The following ZNF185 variants were observed in gnomAD, a reference collection of about 807,000 sequenced individuals.
The protein encoded by ZNF185 is zinc finger protein 185.
ZNF185 carries 56 observed loss-of-function variants against 58.6 expected under a neutral mutation model. The observed-to-expected ratio is 0.95, with a 90% CI of 0.77 to 1.19. The LOEUF (loss-of-function observed/expected upper bound fraction) is 1.19. Among genes scored for constraint, ZNF185 ranks in the 50% most tolerant of loss-of-function variants. The probability of loss-of-function intolerance (pLI) is 0.00; values close to 1 mark genes in which losing one functional copy is unlikely to be tolerated. For missense variants in ZNF185, 627 were observed against 573.5 expected, an observed-to-expected ratio of 1.09 and a Z score of -0.95; for synonymous variants, 230 against 215.9, an observed-to-expected ratio of 1.07 and a Z score of -0.57.
At chrX:152,947,614 A>C (rs1556896452) in intron 16 of ZNF185, among the ~76,000 whole-genome samples, 1 of 112,432 alleles carries the variant, frequency 8.9e-6, no homozygotes, top group Non-Finnish European at 1.9e-5. Context: ...TAGGCTACTG[A>C]GTAAACAAAT....
intron 16 of ZNF185, among the ~76,000 whole-genome samples, chrX:152,953,612 T>C (rs782232691): frequency 2.7e-5 from 3 of 111,532 alleles, no homozygotes; most frequent in Non-Finnish European, 5.7e-5. Flanking sequence ...TAGTGGAGGA[T>C]TGCTTGAGCC....
chrX:152,969,354 C>T, intron 20 of ZNF185, 28 bp from the exon 23 acceptor site: 2 of 1,160,413 alleles, frequency 1.7e-6, no homozygotes, highest in Non-Finnish European at 1.2e-6. Context: ...CCAGCCTGAC[C>T]ACCGGGTTAT....
chrX:152,950,374 C>T (rs1331406104), intron 16 of ZNF185, among the ~76,000 whole-genome samples: 5 of 111,670 alleles, frequency 4.5e-5, no homozygotes, highest in Non-Finnish European at 7.5e-5. Context: ...ATGTGAATTT[C>T]CCATAATTGA....
At chrX:152,951,268 G>C (rs1318721694) in intron 16 of ZNF185, among the ~76,000 whole-genome samples, 1 of 110,831 alleles carries the variant, frequency 9.0e-6, no homozygotes, top group Non-Finnish European at 1.9e-5. Context: ...AGAAAATTTT[G>C]TTATTTTAAC....
intron 15 of ZNF185, among the ~76,000 whole-genome samples, chrX:152,944,495 G>A (rs1263352850): frequency 8.9e-6 from 1 of 112,412 alleles, no homozygotes; most frequent in Non-Finnish European, 1.9e-5. Flanking sequence ...AGTAGACTCT[G>A]GAAGCAGTAC....
chrX:152,904,563 A>G, the ZNF185 span, among the ~76,000 whole-genome samples: 22 of 112,668 alleles, frequency 2.0e-4, no homozygotes, highest in Non-Finnish European at 9.4e-5. Context: ...CTTTTGGTCC[A>G]GAAAATCAGC....
chrX:152,952,382 A>G (rs1244201571), intron 16 of ZNF185, among the ~76,000 whole-genome samples: 4 of 112,605 alleles, frequency 3.6e-5, no homozygotes, highest in Non-Finnish European at 5.6e-5. Flanking sequence ...AATAATTTAT[A>G]TAAGTACTTA....
At chrX:152,914,859 C>T (rs373245796) in intron 2 of ZNF185, 26 bp downstream of exon 3, 22 of 1,168,932 alleles carry the variant, frequency 1.9e-5, no homozygotes, top group Non-Finnish European at 2.4e-5. Flanking sequence ...GGGGAGGGAC[C>T]GCAGCAACGT....
intron 14 of ZNF185, among the ~76,000 whole-genome samples, chrX:152,937,320 C>T (rs1452380991): frequency 8.9e-6 from 1 of 111,923 alleles, no homozygotes; most frequent in Non-Finnish European, 1.9e-5. Context: ...TTCTCATTAG[C>T]AGCTTACTCT....
chrX:152,920,730 C>A, exon 9 of ZNF185: 10 of 1,211,932 alleles, frequency 8.3e-6, no homozygotes, highest in Non-Finnish European at 1.1e-5. Context: ...GAGACACAGG[C>A]ACCGTTTATC....
intron 16 of ZNF185, among the ~76,000 whole-genome samples, chrX:152,945,762 G>T (rs1281389904): frequency 8.9e-6 from 1 of 111,954 alleles, no homozygotes; most frequent in Non-Finnish European, 1.9e-5. Context: ...GTCTCTCAGA[G>T]TACAGGTGCT....
At chrX:152,962,856 G>A (rs1173703273) in intron 17 of ZNF185, among the ~76,000 whole-genome samples, 1 of 112,951 alleles carries the variant, frequency 8.9e-6, no homozygotes, top group Non-Finnish European at 1.9e-5. Context: ...CTAGGCAGAT[G>A]CTAGACCATG....
chrX:152,909,904 C>CTTTT (rs1223634856), upstream of ZNF185, among the ~76,000 whole-genome samples: 62 of 90,220 alleles, frequency 6.9e-4, 1 homozygote, highest in African/African-American at 2.7e-3. Flanking sequence ...GGCATCAACT[C>CTTTT]TTTTTTTTTT....
intron 2 of ZNF185, 82 bp from the exon 4 acceptor site, chrX:152,915,056 G>A: frequency 9.1e-7 from 1 of 1,097,629 alleles, no homozygotes. Context: ...GACTTGCTGG[G>A]CAGCCTCTAG....
At chrX:152,922,773 C>G (rs782635193) in exon 11 of ZNF185, 5 of 1,200,571 alleles carry the variant, frequency 4.2e-6, no homozygotes, top group Non-Finnish European at 5.6e-6. Flanking sequence ...GAGTGCCTGC[C>G]AAGTATGCCT....
Position 152,914,539 on chromosome X carries a change from C to T in ZNF185, c.34+16C>T. 2.6e-6 allele frequency: 3 copies of T among 1,170,218 alleles called. No individual in the cohort carries two copies. Among genetic ancestry groups the T allele is most frequent in the Non-Finnish European group, 3.4e-6 (3 of 872,755 alleles). ...CGCACCAAAGGTGAGGCCTGGGCTCCCTGGTTTCCCAGGCTCTGTTTGGGG... is the reference window on the plus strand; with the variant it reads ...CGCACCAAAGGTGAGGCCTGGGCTCTCTGGTTTCCCAGGCTCTGTTTGGGG... On this transcript the variant is annotated intron_variant, in intron 1 of 22. Transcript: ENST00000449285.
At position 152,945,346 on chromosome X, in the gene ZNF185, G is replaced by A. The variant is rs377079307; in HGVS notation, c.1291G>A (p.Gly431Ser). Residue 431 changes from glycine (G) to serine (S), a missense_variant, in exon 16 of 23, where the codon GGT becomes AGT. Coordinates refer to ENST00000449285, the Ensembl canonical transcript of ZNF185. ...GCAGGAGAGGCCTGGAGCTCCAAGAGGTGGCCAAGGAGACCCAGCTGTACC... is the reference window on the plus strand; with the variant it reads ...GCAGGAGAGGCCTGGAGCTCCAAGAAGTGGCCAAGGAGACCCAGCTGTACC... The A allele has an allele frequency of 3.4e-4, 407 of 1,205,698 alleles. No individual in the cohort carries two copies. The highest frequency in any genetic ancestry group is 4.3e-4 in the Non-Finnish European group (380 of 892,812).
At position 152,920,095 on chromosome X, in the gene ZNF185, G is replaced by A. The variant is rs181441048; in HGVS notation, c.531-233G>A. On this transcript the variant is annotated intron_variant, in intron 7 of 22. Coordinates refer to ENST00000449285, the Ensembl canonical transcript of ZNF185. Reference sequence around the variant, plus strand: ...AGCAATAAGCCAATGCGAGGATGTTGGCATCTGGCGCAGAGCCGGGCACAT... The same window carrying A: ...AGCAATAAGCCAATGCGAGGATGTTAGCATCTGGCGCAGAGCCGGGCACAT... 3.5e-4 allele frequency among the ~76,000 whole-genome samples: 40 copies of A among 113,445 alleles called. 1 individual carries two copies. The highest frequency in any genetic ancestry group is 1.2e-3 in the African/African-American group (38 of 31,304).
chrX:152,953,731 A>G (rs1157068499), intron 16 of ZNF185, among the ~76,000 whole-genome samples: 2 of 111,024 alleles, frequency 1.8e-5, no homozygotes, highest in South Asian at 7.6e-4. Context: ...TTAGATAGAG[A>G]CTTTTATTTT....
Sources: allele counts gnomAD v4.1 joint callset (sites outside exome capture counted in the v4.1 genomes callset), GRCh38; gene constraint gnomAD v4.1.1; transcripts MANE v1.5; gene names NCBI Gene and HGNC (gene_info 2026-07-23, HGNC 2026-07-21).